SERPINB8: variants seen among roughly 807,000 people sequenced by gnomAD.
SERPINB8 encodes serpin family B member 8, also known as serpin B8.
Under a neutral mutation model 35.3 loss-of-function variants are expected in SERPINB8, and 25 were observed. That is an observed-to-expected ratio of 0.71 (90% CI 0.52 to 0.99). The LOEUF is 0.99. SERPINB8 is among the 50% of genes least tolerant of loss of function. SERPINB8 has a pLI of 0.00. For missense variants in SERPINB8, 484 were observed against 446.5 expected (o/e 1.08, Z -0.76); for synonymous variants, 186 against 160.8 (o/e 1.16, Z -1.19).
chr18:63,986,195 G>T, intron 6 of SERPINB8: 22 of 1,507,992 alleles, frequency 1.5e-5, no homozygotes, highest in Non-Finnish European at 2.0e-5. Flanking sequence ...GTTGTTAAAG[G>T]GAAGGGGAGA....
intron 1 of SERPINB8, among the ~76,000 whole-genome samples, chr18:63,995,031 C>CTGA (rs1364800664): frequency 1.3e-5 from 2 of 152,132 alleles, no homozygotes; most frequent in Non-Finnish European, 2.9e-5. Context: ...CTCTCTGAGC[C>CTGA]TGATGATTCA....
intron 4 of SERPINB8, among the ~76,000 whole-genome samples, chr18:63,983,222 G>A (rs943723713): frequency 1.3e-5 from 2 of 152,170 alleles, no homozygotes; most frequent in Admixed American, 6.5e-5. Context: ...ATAGTGCCAA[G>A]GTTGACTGCC....
At chr18:64,004,768 T>C (rs2050892204) in intron 1 of SERPINB8, 2 of 398,456 alleles carry the variant, frequency 5.0e-6, no homozygotes, top group Non-Finnish European at 4.4e-6. Flanking sequence ...TGTTGTTTAG[T>C]GTCATTATCT....
rs115755417 is a variant in SERPINB8, at chr18:63,987,595, C to G, written c.*317C>G. ...GCATCTCAGGGCTTCAGGAGCCAGC[C>G]CTCTTCCATCCGCCCGGCTCTGCCC... is the stretch of plus-strand genomic sequence containing the variant. On this transcript the variant is annotated 3_prime_UTR_variant, in exon 7 of 7. Transcript: ENST00000397985. The G allele has an allele frequency of 2.3e-4, 60 of 261,832 alleles. No individual in the cohort carries two copies. The highest frequency in any genetic ancestry group is 2.4e-3 in the Middle Eastern group (2 of 820). 16.2% of individuals were successfully genotyped at this position (261,832 alleles called of 1,614,324 possible).
Position 63,999,553 on chromosome 18 carries a change from G to T in SERPINB8, c.71-5266G>T, listed in dbSNP as rs118000655. Among the ~76,000 whole-genome samples, 988 of 152,166 alleles carry T rather than the reference G, an allele frequency of 6.5e-3. 6 individuals are homozygous for T. The highest frequency in any genetic ancestry group is 0.011 in the Non-Finnish European group (728 of 68,000). ...GTCCCCTCCTTGTACAGACTCTTCA[G>T]TTCCACTCAGGGACTCTGCCTACTG... On this transcript the variant is annotated intron_variant, in intron 1 of 1. Transcript: ENST00000493661.
intron 1 of SERPINB8, among the ~76,000 whole-genome samples, chr18:64,002,231 A>C (rs1257145721): frequency 1.3e-5 from 2 of 152,308 alleles, no homozygotes; most frequent in East Asian, 3.9e-4. Context: ...CTCCAGCGCC[A>C]GGGGTGGAAA....
intron 1 of SERPINB8, among the ~76,000 whole-genome samples, chr18:64,004,446 A>G (rs1037133241): frequency 2.0e-5 from 3 of 152,198 alleles, no homozygotes; most frequent in African/African-American, 7.2e-5. Context: ...TACAATAACT[A>G]TATTTTGAAT....
At chr18:64,003,097 A>G (rs1203793968) in intron 1 of SERPINB8, among the ~76,000 whole-genome samples, 1 of 152,204 alleles carries the variant, frequency 6.6e-6, no homozygotes, top group Admixed American at 6.5e-5. Flanking sequence ...TTCTCAGGAA[A>G]GGTCCTGCTA....
In SERPINB8 at chr18:63,986,901, T is replaced by A; in HGVS notation, c.748T>A (p.Phe250Ile). The A allele has an allele frequency of 6.2e-7, 1 of 1,611,922 alleles. No homozygotes were observed. The highest frequency in any genetic ancestry group is 8.5e-7 in the Non-Finnish European group (1 of 1,179,424). The stretch of plus-strand genomic sequence containing the variant: ...GGAAAAAGCACTTACATATGAGAAA[T>A]TCAAAGCCTGGACAAATTCAGAAAA... ...VVEKALTYEK[F>I]KAWTNSEKLT... The change falls in exon 7 of 7, where the codon TTC becomes ATC. Residue 250 changes from phenylalanine to isoleucine, a missense_variant. By Grantham distance (21) the Phe-to-Ile change is conservative. Coordinates refer to ENST00000397985, the MANE Select transcript of SERPINB8 (RefSeq NM_002640.4).
downstream of SERPINB8, chr18:63,989,427 G>T (rs985660739): frequency 1.3e-5 from 2 of 152,120 alleles, no homozygotes; most frequent in African/African-American, 4.8e-5. Flanking sequence ...ATACATAGAA[G>T]TAGAATGGCT....
downstream of SERPINB8, among the ~76,000 whole-genome samples, chr18:64,010,399 G>C (rs2144849233): frequency 6.6e-6 from 1 of 152,250 alleles, no homozygotes; most frequent in East Asian, 1.9e-4. Context: ...AAACCCTAAA[G>C]AAGCTCTTGC....
downstream of SERPINB8, among the ~76,000 whole-genome samples, chr18:63,990,198 C>T (rs2050817624): frequency 1.3e-5 from 2 of 151,276 alleles, no homozygotes; most frequent in East Asian, 2.0e-4. Context: ...GCCTCAGACC[C>T]CTGAGTAGCT....
rs756909871 is a variant in SERPINB8, at chr18:63,979,887, G to T, written c.255G>T (p.Leu85Phe). ...SEVNRTGTQY[L>F]LRTANRLFGE... ...TTAACAGAACTGGCACTCAGTACTT[G>T]CTTAGAACTGCCAACAGACTCTTTG... Residue 85 changes from leucine to phenylalanine, a missense_variant, in exon 3 of 7, where the codon TTG becomes TTT. Coordinates refer to ENST00000397985, the MANE Select transcript of SERPINB8 (RefSeq NM_002640.4). 1 of 1,614,098 alleles carries T rather than the reference G, an allele frequency of 6.2e-7. No individual in the cohort carries two copies. The highest frequency in any genetic ancestry group is 8.5e-7 in the Non-Finnish European group (1 of 1,179,954).
At chr18:64,012,775 A>G (rs2050931513) in intron 7 of SERPINB8, among the ~76,000 whole-genome samples, 1 of 152,090 alleles carries the variant, frequency 6.6e-6, no homozygotes, top group African/African-American at 2.4e-5. Context: ...TCTAGTAATG[A>G]TAATTTTGAT....
At chr18:63,975,363 G>A (rs11876097) in intron 1 of SERPINB8, among the ~76,000 whole-genome samples, 42,862 of 151,940 alleles carry the variant, frequency 0.28, 7,461 homozygotes, top group African/African-American at 0.5. Context: ...AGATGAGGTT[G>A]TGGAGGACCC....
At chr18:64,007,594 T>C (rs535268117), downstream of SERPINB8, among the ~76,000 whole-genome samples, 7 of 152,292 alleles carry the variant, frequency 4.6e-5, no homozygotes, top group Admixed American at 2.6e-4. Context: ...GTTCTACAGG[T>C]TGTACAGGAT....
At chr18:64,018,950 T>A (rs750830848) in exon 8 of SERPINB8, 5 of 152,132 alleles carry the variant, frequency 3.3e-5, no homozygotes, top group African/African-American at 4.8e-5. Flanking sequence ...AAACACCAGC[T>A]GGGTGAAGAT....
At chr18:63,977,954 A>T (rs2050608384) in intron 1 of SERPINB8, among the ~76,000 whole-genome samples, 1 of 152,058 alleles carries the variant, frequency 6.6e-6, no homozygotes, top group African/African-American at 2.4e-5. Flanking sequence ...GCATTCCTTC[A>T]TCAGTGGCCC....
chr18:64,019,442 C>T (rs2050965908), exon 8 of SERPINB8: 1 of 152,338 alleles, frequency 6.6e-6, no homozygotes, highest in Admixed American at 6.5e-5. Context: ...CTTGCTCCCA[C>T]TTCTCCTCGA....
Sources: allele counts gnomAD v4.1 joint callset (sites outside exome capture counted in the v4.1 genomes callset), GRCh38; gene constraint gnomAD v4.1.1; transcripts MANE v1.5; gene names NCBI Gene and HGNC (gene_info 2026-07-23, HGNC 2026-07-21).